Variants in EHD1 observed in about 807,000 individuals in gnomAD.
EHD1 encodes EH domain containing 1.
A neutral mutation model predicts 39.0 loss-of-function variants in EHD1; 19 were observed. The ratio of observed to expected loss-of-function variants is 0.49; its 90% CI spans 0.34 to 0.72. The LOEUF is 0.72. EHD1 is among the 30% of genes least tolerant of loss of function. The probability of loss-of-function intolerance (pLI) is 0.01; values close to 1 mark genes in which losing one functional copy is unlikely to be tolerated. For missense variants in EHD1, 542 were observed against 751.5 expected, an observed-to-expected ratio of 0.72 and a Z score of 3.26; for synonymous variants, 323 against 331.2, an observed-to-expected ratio of 0.98 and a Z score of 0.27.
intron 2 of EHD1, among the ~76,000 whole-genome samples, chr11:64,867,292 G>T (rs1358392950): frequency 1.3e-5 from 2 of 151,652 alleles, no homozygotes; most frequent in Non-Finnish European, 2.9e-5. Context: ...GGTGCCACAC[G>T]CCTGTAATCC....
intron 2 of EHD1, among the ~76,000 whole-genome samples, chr11:64,866,680 CAA>C (rs1373156962): frequency 1.6e-4 from 19 of 117,836 alleles, no homozygotes; most frequent in Non-Finnish European, 1.8e-4. Flanking sequence ...ACCCTGTCTC[CAA>C]AAAAAAAAAA....
intron 2 of EHD1, among the ~76,000 whole-genome samples, chr11:64,866,019 A>G (rs56410527): frequency 0.066 from 10,024 of 152,250 alleles, 471 homozygotes; most frequent in African/African-American, 0.12. Context: ...ATAAACCCTA[A>G]GGAAGAGAAA....
At chr11:64,855,638 C>T (rs990655240) in intron 3 of EHD1, 152 bp from the exon 4 acceptor site, 8 of 1,096,314 alleles carry the variant, frequency 7.3e-6, no homozygotes, top group African/African-American at 4.8e-5. Context: ...CTACCACCAC[C>T]GGCTCCCACA....
chr11:64,858,789 C>G (rs891768340), intron 3 of EHD1, among the ~76,000 whole-genome samples: 1 of 152,364 alleles, frequency 6.6e-6, no homozygotes, highest in South Asian at 2.1e-4. Flanking sequence ...CCACCCACAC[C>G]GGCTCTCACT....
intron 4 of EHD1, 60 bp from the exon 5 acceptor site, chr11:64,854,917 C>A: frequency 6.4e-7 from 1 of 1,562,364 alleles, no homozygotes; most frequent in African/African-American, 1.3e-5. Flanking sequence ...GACTCCAGGC[C>A]AAGTGGTTCC....
chr11:64,855,262 C>T (rs1344766284), intron 4 of EHD1, 60 bp downstream of exon 4: 1 of 1,582,294 alleles, frequency 6.3e-7, no homozygotes, highest in African/African-American at 1.4e-5. Context: ...ATCCAGTGCC[C>T]TGGGCCTTCC....
Position 64,860,087 on chromosome 11 carries a change from C to G in EHD1, c.752G>C (p.Arg251Thr). 4 of 1,614,194 alleles carry G rather than the reference C, an allele frequency of 2.5e-6. No individual in the cohort carries two copies. The highest frequency in any genetic ancestry group is 3.4e-6 in the Non-Finnish European group (4 of 1,180,030). The change falls in exon 3 of 5, where the codon AGG (arginine) becomes ACG (threonine). Residue 251 changes from arginine (R) to threonine (T), a missense_variant. Coordinates refer to ENST00000320631, the MANE Select transcript of EHD1 (RefSeq NM_006795.4). ...GGACCAGAAGGAGCCGATGTAGACC[C>G]TGACCACCTCGGGGGTGTTGATGAT... ...GKIINTPEVVRVYIGSFWSHP... is the reference protein window; with the variant it reads ...GKIINTPEVVTVYIGSFWSHP...
chr11:64,877,884 C>T, intron 1 of EHD1, 177 bp downstream of exon 1: 6 of 559,694 alleles, frequency 1.1e-5, no homozygotes, highest in Admixed American at 3.9e-5. Flanking sequence ...CTCTTAGACC[C>T]CCAGTGGGTT....
At chr11:64,872,973 C>T (rs1314551313) in intron 2 of EHD1, among the ~76,000 whole-genome samples, 3 of 152,168 alleles carry the variant, frequency 2.0e-5, no homozygotes, top group Non-Finnish European at 4.4e-5. Flanking sequence ...GTCCTCAACC[C>T]CTCTTTGAGT....
chr11:64,868,259 G>A lies in EHD1; in HGVS notation c.502+6162C>T, dbSNP rs1288164198. Among the ~76,000 whole-genome samples the A allele has an allele frequency of 1.3e-5, 2 of 152,154 alleles. No individual in the cohort carries two copies. The highest frequency in any genetic ancestry group is 2.9e-5 in the Non-Finnish European group (2 of 68,034). ...TCTCCATCACACAGGTTTCCAACGC[G>A]TGCTGGGCCTCGTTCCTGGGCTTGC... On this transcript the variant is annotated intron_variant, in intron 2 of 4. Coordinates refer to ENST00000320631, the MANE Select transcript of EHD1 (RefSeq NM_006795.4). The surrounding 1 kb of genome is among the most constrained non-coding windows in gnomAD (Gnocchi z 4.2).
At chr11:64,863,276 C>G (rs1410167965) in intron 2 of EHD1, among the ~76,000 whole-genome samples, 1 of 152,206 alleles carries the variant, frequency 6.6e-6, no homozygotes, top group Admixed American at 6.5e-5. Flanking sequence ...AAAACACCAC[C>G]CTCTTGCCAA....
intron 2 of EHD1, among the ~76,000 whole-genome samples, chr11:64,873,737 C>A (rs547955615): frequency 6.6e-6 from 1 of 151,510 alleles, no homozygotes; most frequent in African/African-American, 2.4e-5. Context: ...AGTGCAGTGG[C>A]GCGATCTCGG....
intron 2 of EHD1, among the ~76,000 whole-genome samples, chr11:64,864,908 G>C (rs1943751996): frequency 6.6e-6 from 1 of 152,120 alleles, no homozygotes; most frequent in Admixed American, 6.5e-5. Context: ...GGATGGCTGG[G>C]GGGCCCTGGG....
chr11:64,860,483 C>CCAACA, intron 2 of EHD1, 147 bp from the exon 3 acceptor site: 1 of 1,200,426 alleles, frequency 8.3e-7, no homozygotes, highest in Non-Finnish European at 1.1e-6. Flanking sequence ...GCCTGTAATC[C>CCAACA]CAACACTTTG....
Position 64,878,304 on chromosome 11 carries a change from TCAGCGTCCTC to T in EHD1, c.151_160del (p.Glu51ThrfsTer25). 6.2e-7 allele frequency: 1 copy of T among 1,614,176 alleles called. No individual in the cohort carries two copies. The highest frequency in any genetic ancestry group is 8.5e-7 in the Non-Finnish European group (1 of 1,180,030). ...GAGCACCATAGGCTTGTTGTCGAAGTCAGCGTCCTCCAGCGCGGGCGAGTGGAACTCGTGG... is the reference window on the plus strand; with the variant it reads ...GAGCACCATAGGCTTGTTGTCGAAGTCAGCGCGGGCGAGTGGAACTCGTGG... On this transcript the variant is annotated frameshift_variant, in exon 1 of 5. Coordinates refer to ENST00000320631, the MANE Select transcript of EHD1 (RefSeq NM_006795.4). LOFTEE classifies it high-confidence loss of function.
chr11:64,874,321 A>AAT, intron 2 of EHD1, 100 bp downstream of exon 2: 10 of 997,492 alleles, frequency 1.0e-5, no homozygotes, highest in South Asian at 1.6e-5. Context: ...AAAAAAAAAA[A>AAT]GGAGAAATCT....
chr11:64,865,647 G>T (rs1240030482), intron 2 of EHD1, among the ~76,000 whole-genome samples: 1 of 152,212 alleles, frequency 6.6e-6, no homozygotes, highest in Non-Finnish European at 1.5e-5. Flanking sequence ...CCACCAGGAA[G>T]CTCTAGCTCA....
At chr11:64,863,883 G>T (rs193027894) in intron 2 of EHD1, among the ~76,000 whole-genome samples, 1 of 152,258 alleles carries the variant, frequency 6.6e-6, no homozygotes, top group Non-Finnish European at 1.5e-5. Flanking sequence ...CAGGGAGGAG[G>T]GCGTGTGGGA....
intron 2 of EHD1, among the ~76,000 whole-genome samples, chr11:64,864,230 CG>C (rs1405305636): frequency 6.6e-6 from 1 of 152,216 alleles, no homozygotes; most frequent in Non-Finnish European, 1.5e-5. Flanking sequence ...CCAGCCTGGA[CG>C]GGGAGGCCCG....
Sources: allele counts gnomAD v4.1 joint callset (sites outside exome capture counted in the v4.1 genomes callset), GRCh38; gene constraint gnomAD v4.1.1; non-coding constraint Gnocchi (gnomAD v3.1); transcripts MANE v1.5; gene names NCBI Gene and HGNC (gene_info 2026-07-23, HGNC 2026-07-21).